Variants in SNX9 observed in about 807,000 individuals in gnomAD.
The protein encoded by SNX9 is sorting nexin 9, also known as sorting nexin-9.
Under a neutral mutation model 89.4 loss-of-function variants are expected in SNX9, and 44 were observed. That is an observed-to-expected ratio of 0.49 (90% CI 0.39 to 0.63). The LOEUF (loss-of-function observed/expected upper bound fraction) is 0.63, where lower values mean the gene tolerates loss of function less well. SNX9 is among the 30% of genes least tolerant of loss of function. SNX9 has a pLI of 0.00. For missense variants in SNX9, 578 were observed against 736.1 expected (o/e 0.79, Z 2.49); for synonymous variants, 236 against 247.8 (o/e 0.95, Z 0.45).
chr6:157,939,764 G>A (rs534387060), intron 16 of SNX9, among the ~76,000 whole-genome samples: 1 of 152,294 alleles, frequency 6.6e-6, no homozygotes, highest in South Asian at 2.1e-4. Context: ...TGTGTTTGAG[G>A]TTATCCAAAT....
At chr6:157,906,486 G>C (rs1783218591) in intron 7 of SNX9, among the ~76,000 whole-genome samples, 1 of 152,098 alleles carries the variant, frequency 6.6e-6, no homozygotes, top group Admixed American at 6.6e-5. Context: ...GTCTTGAAGT[G>C]TATTTTACAT....
chr6:157,852,221 C>T (rs886294774), intron 1 of SNX9, among the ~76,000 whole-genome samples: 5 of 152,120 alleles, frequency 3.3e-5, no homozygotes, highest in East Asian at 3.9e-4. Flanking sequence ...ATATTCCCAC[C>T]AACCATTGAT....
intron 1 of SNX9, among the ~76,000 whole-genome samples, chr6:157,857,295 A>C (rs1782031560): frequency 6.6e-6 from 1 of 152,190 alleles, no homozygotes; most frequent in Non-Finnish European, 1.5e-5. Context: ...ATAATCTGAT[A>C]GGAAAAGATG....
intron 1 of SNX9, among the ~76,000 whole-genome samples, chr6:157,848,198 T>C (rs9356071): frequency 0.13 from 19,127 of 152,170 alleles, 1,931 homozygotes; most frequent in African/African-American, 0.28. Context: ...AGAACAGCAT[T>C]CATGGTACTA....
chr6:157,928,674 G>A lies in SNX9; in HGVS notation c.1260G>A (p.Gly420=), dbSNP rs780777470. The A allele has an allele frequency of 3.7e-6, 6 of 1,608,912 alleles. No homozygotes were observed. The highest frequency in any genetic ancestry group is 4.5e-5 in the East Asian group (2 of 44,546). Residue 420 remains glycine (G), a synonymous_variant, in exon 12 of 18, where the codon GGG becomes GGA. Transcript: ENST00000392185. ...DDGVKELLTV[G]QEHWKRCTGP... ...GCGTGAAGGAGCTGCTGACGGTGGG[G>A]CAGGAGCACTGGAAGCGCTGCACGG...
At chr6:157,941,575 A>T (rs926599791) in intron 17 of SNX9, among the ~76,000 whole-genome samples, 4 of 152,194 alleles carry the variant, frequency 2.6e-5, no homozygotes, top group African/African-American at 4.8e-5. Flanking sequence ...TCCCTCAGAC[A>T]CCTGCAGGTA....
At chr6:157,852,498 A>T (rs1163520683) in intron 1 of SNX9, among the ~76,000 whole-genome samples, 1 of 152,132 alleles carries the variant, frequency 6.6e-6, no homozygotes, top group Non-Finnish European at 1.5e-5. Context: ...GGGCATTTGA[A>T]CTTCAAATAC....
intron 14 of SNX9, among the ~76,000 whole-genome samples, chr6:157,936,601 A>T (rs1783930501): frequency 6.6e-6 from 1 of 152,224 alleles, no homozygotes. Flanking sequence ...ACAGGAAAGA[A>T]TGCTGGCTCA....
chr6:157,908,329 C>CT (rs1218696568), intron 7 of SNX9, among the ~76,000 whole-genome samples: 2 of 152,138 alleles, frequency 1.3e-5, no homozygotes, highest in African/African-American at 4.8e-5. Context: ...AATCTGCTTC[C>CT]TGAATAGTGG....
In SNX9 at chr6:157,901,992, T is replaced by C. The variant is rs1583226737; in HGVS notation, c.567T>C (p.Ala189=). The C allele has an allele frequency of 6.2e-7, 1 of 1,614,000 alleles. No individual in the cohort carries two copies. The highest frequency in any genetic ancestry group is 8.5e-7 in the Non-Finnish European group (1 of 1,179,972). Residue 189 remains alanine (A), a synonymous_variant, in exon 6 of 18, where the codon GCT becomes GCC. Transcript: ENST00000392185. ...KDSESADAGG[A]QRGNSRASSS... ...CAGAGTCAGCTGATGCAGGCGGCGC[T>C]CAGCGAGGAAACAGTCGTGCTAGTT...
rs539593311 is a variant in SNX9, at chr6:157,873,161, C to T, written c.159C>T (p.Pro53=). ...TCAAAGGAGAACGAGGGCTGGTTCCCACAGACTACGTTGAAGTAAGAGCTT... is the reference window on the plus strand; with the variant it reads ...TCAAAGGAGAACGAGGGCTGGTTCCTACAGACTACGTTGAAGTAAGAGCTT... ...RNIKGERGLV[P]TDYVEILPSD... Residue 53 remains proline (P), a synonymous_variant, in exon 3 of 18, where the codon CCC becomes CCT. Transcript: ENST00000392185. 4.9e-5 allele frequency: 78 copies of T among 1,600,454 alleles called. No homozygotes were observed. In the South Asian group the frequency reaches 8.6e-4, roughly 18 times the overall value.
At chr6:157,887,112 T>C (rs567278005) in intron 4 of SNX9, among the ~76,000 whole-genome samples, 1 of 152,348 alleles carries the variant, frequency 6.6e-6, no homozygotes, top group South Asian at 2.1e-4. Context: ...TGCTGGATAT[T>C]TTTGCATTCC....
intron 4 of SNX9, 82 bp from the exon 5 acceptor site, chr6:157,896,745 C>T: frequency 6.9e-7 from 1 of 1,457,422 alleles, no homozygotes. Flanking sequence ...CTGTTGTATT[C>T]AATTGTGTCA....
intron 10 of SNX9, 100 bp downstream of exon 10, chr6:157,921,761 T>C (rs1783588518): frequency 7.6e-7 from 1 of 1,320,952 alleles, no homozygotes; most frequent in Non-Finnish European, 1.0e-6. Flanking sequence ...TGGTTAGTTA[T>C]TTCTCACTTC....
rs763882389 is a variant in SNX9 at position 157,909,890 on chromosome 6, C to T, written c.832-18C>T. Reference sequence around the variant, plus strand: ...AGAGTTGGCATTGGTAACCTTTTCTCTTTCCCTTATTTTGTAGAACACTAA... The same window carrying T: ...AGAGTTGGCATTGGTAACCTTTTCTTTTTCCCTTATTTTGTAGAACACTAA... On this transcript the variant is annotated intron_variant, in intron 8 of 17. Coordinates refer to ENST00000392185, the MANE Select transcript of SNX9 (RefSeq NM_016224.5). 5 of 1,612,994 alleles carry T rather than the reference C, an allele frequency of 3.1e-6. No individual in the cohort carries two copies. In the East Asian group the frequency reaches 1.1e-4, roughly 36 times the overall value.
At chr6:157,855,387 A>G (rs1028731156) in intron 1 of SNX9, among the ~76,000 whole-genome samples, 1 of 152,138 alleles carries the variant, frequency 6.6e-6, no homozygotes, top group African/African-American at 2.4e-5. Flanking sequence ...GCAAAAGTCT[A>G]TTTCTAGAGG....
intron 4 of SNX9, among the ~76,000 whole-genome samples, chr6:157,890,230 A>G (rs925786043): frequency 6.6e-6 from 1 of 152,168 alleles, no homozygotes; most frequent in Non-Finnish European, 1.5e-5. Flanking sequence ...CACTCACCAC[A>G]CAGCACCACC....
chr6:157,911,339 G>A (rs1267132167), intron 9 of SNX9, among the ~76,000 whole-genome samples: 2 of 152,190 alleles, frequency 1.3e-5, no homozygotes, highest in Non-Finnish European at 2.9e-5. Context: ...AAGAAACATG[G>A]AGGGCTGAAG....
chr6:157,844,587 G>GTTTTTTTT lies in SNX9; in HGVS notation c.12+21146_12+21153dup, dbSNP rs1177648226. Among the ~76,000 whole-genome samples, 158 of 130,272 alleles carry GTTTTTTTT rather than the reference G, an allele frequency of 1.2e-3. 3 individuals are homozygous for GTTTTTTTT. The highest frequency in any genetic ancestry group is 3.9e-3 in the Middle Eastern group (1 of 258). The allele number at this position is 130,272 out of a possible 152,430, so 85.5% of individuals were successfully genotyped here. ...ATTTTTAATCTTGTGGCTAATCCTT[G>GTTTTTTTT]TTTTTTTTTTTTGTTTTTTTTTTTG... On this transcript the variant is annotated intron_variant, in intron 1 of 17. Transcript: ENST00000392185.
Sources: allele counts gnomAD v4.1 joint callset (sites outside exome capture counted in the v4.1 genomes callset), GRCh38; gene constraint gnomAD v4.1.1; transcripts MANE v1.5; gene names NCBI Gene and HGNC (gene_info 2026-07-23, HGNC 2026-07-21).